Variants in ATP11A observed in about 807,000 individuals in gnomAD.
ATP11A encodes the protein ATPase phospholipid transporting 11A, also known as phospholipid-transporting ATPase IH.
ATP11A carries 81 observed loss-of-function variants against 154.4 expected under a neutral mutation model. The observed-to-expected ratio is 0.52, with a 90% CI of 0.44 to 0.63. ATP11A has a LOEUF of 0.63. ATP11A is among the 30% of genes least tolerant of loss of function. The pLI is 0.00. For missense variants in ATP11A, 1,316 were observed against 1,474.3 expected (o/e 0.89, Z 1.76); for synonymous variants, 623 against 585.9 (o/e 1.06, Z -0.91).
At chr13:112,824,482 A>G (rs1462222319) in intron 10 of ATP11A, 57 bp downstream of exon 10, 2 of 1,517,394 alleles carry the variant, frequency 1.3e-6, no homozygotes, top group African/African-American at 2.7e-5. Context: ...CCCACTGTAG[A>G]AATGGAAGTA....
chr13:112,736,160 C>T (rs1045323705), intron 1 of ATP11A, among the ~76,000 whole-genome samples: 1 of 152,296 alleles, frequency 6.6e-6, no homozygotes, highest in East Asian at 1.9e-4. Context: ...GGTGAGAACT[C>T]GAGCCCTGAT....
intron 1 of ATP11A, among the ~76,000 whole-genome samples, chr13:112,692,798 T>C (rs1306498008): frequency 6.6e-6 from 1 of 152,222 alleles, no homozygotes; most frequent in Non-Finnish European, 1.5e-5. Context: ...TTTGACTTTT[T>C]CCAGAAACAG....
intron 5 of ATP11A, among the ~76,000 whole-genome samples, chr13:112,812,326 G>A (rs1204728954): frequency 6.6e-6 from 1 of 152,134 alleles, no homozygotes; most frequent in Non-Finnish European, 1.5e-5. Flanking sequence ...TGCCCCCACT[G>A]GTCCTCGTGC....
intron 1 of ATP11A, among the ~76,000 whole-genome samples, chr13:112,773,004 G>T (rs1247333603): frequency 6.6e-6 from 1 of 152,174 alleles, no homozygotes. Context: ...AGAACCCTGA[G>T]TGTGTCCACG....
intron 12 of ATP11A, among the ~76,000 whole-genome samples, chr13:112,828,417 G>A (rs1479315140): frequency 6.4e-5 from 8 of 124,284 alleles, no homozygotes; most frequent in East Asian, 5.8e-4. Flanking sequence ...AGCGCCCAGC[G>A]GTGTTGAGTG....
chr13:112,877,838 A>G (rs1256474640), intron 28 of ATP11A, among the ~76,000 whole-genome samples: 1 of 152,094 alleles, frequency 6.6e-6, no homozygotes, highest in African/African-American at 2.4e-5. Flanking sequence ...TCTGCAACTC[A>G]TCTCCAGGAT....
intron 2 of ATP11A, among the ~76,000 whole-genome samples, chr13:112,790,237 C>T (rs1252114068): frequency 6.6e-6 from 1 of 151,434 alleles, no homozygotes; most frequent in African/African-American, 2.4e-5. Flanking sequence ...CCTGTGGAGA[C>T]CTACTTAATT....
chr13:112,835,005 TTTGCCTC>T, intron 15 of ATP11A, among the ~76,000 whole-genome samples: 1 of 152,362 alleles, frequency 6.6e-6, no homozygotes, highest in Admixed American at 6.5e-5. Flanking sequence ...TCCAGGCCCC[TTTGCCTC>T]CACGAGGGGA....
rs2080914117 is a variant in ATP11A, at chr13:112,882,786, G to A, written c.*920G>A. The A allele has an allele frequency of 1.3e-5, 5 of 399,242 alleles. No individual in the cohort carries two copies. The highest frequency in any genetic ancestry group is 1.8e-5 in the Non-Finnish European group (4 of 226,636). The allele number at this position is 399,242 out of a possible 1,614,324, so 24.7% of individuals were successfully genotyped here. ...ACTGTTACGGGAGAATGTTGATTTC[G>A]CGGGTGCGAGGGCCGGGAGACAGAT... On this transcript the variant is annotated 3_prime_UTR_variant, in exon 30 of 30. Transcript: ENST00000375645. The surrounding 1 kb of genome is among the most constrained non-coding windows in gnomAD (Gnocchi z 5.1).
chr13:112,806,392 C>A (rs1252188638), intron 4 of ATP11A, 99 bp downstream of exon 4: 2 of 894,048 alleles, frequency 2.2e-6, no homozygotes, highest in Admixed American at 2.4e-5. Context: ...AGCTAGTTCA[C>A]AGAAAATTCA....
chr13:112,873,371 G>A (rs1051543119), intron 26 of ATP11A: 3 of 539,034 alleles, frequency 5.6e-6, no homozygotes, highest in Non-Finnish European at 6.5e-6. Context: ...CCTGAGCGGT[G>A]TGAGGTGTGG....
chr13:112,823,917 GC>G (rs1168671616), intron 9 of ATP11A, among the ~76,000 whole-genome samples: 1 of 152,188 alleles, frequency 6.6e-6, no homozygotes, highest in Non-Finnish European at 1.5e-5. Flanking sequence ...ACGCATGTCT[GC>G]CCCTGTAGTT....
At chr13:112,818,301 G>A (rs1343509250) in intron 6 of ATP11A, among the ~76,000 whole-genome samples, 4 of 150,752 alleles carry the variant, frequency 2.7e-5, no homozygotes, top group African/African-American at 4.9e-5. Context: ...GGCGATGACC[G>A]TTGGTGCGCT....
At chr13:112,870,794 C>CG (rs2080492382) in intron 25 of ATP11A, among the ~76,000 whole-genome samples, 1 of 152,254 alleles carries the variant, frequency 6.6e-6, no homozygotes, top group Non-Finnish European at 1.5e-5. Context: ...CAGGTTCTCC[C>CG]GAAACAAGTT....
intron 1 of ATP11A, among the ~76,000 whole-genome samples, chr13:112,776,453 A>G (rs282591): frequency 0.51 from 77,484 of 152,076 alleles, 20,922 homozygotes; most frequent in African/African-American, 0.69. Flanking sequence ...GCAGGTGTCT[A>G]TGCTGCGTGA....
At chr13:112,788,333 G>A (rs529173018) in intron 2 of ATP11A, among the ~76,000 whole-genome samples, 21 of 147,718 alleles carry the variant, frequency 1.4e-4, no homozygotes, top group African/African-American at 4.8e-4. Flanking sequence ...GTGTCCTGAC[G>A]TGTAGACCCC....
intron 6 of ATP11A, among the ~76,000 whole-genome samples, chr13:112,818,265 G>A (rs917905787): frequency 1.3e-5 from 2 of 149,232 alleles, no homozygotes; most frequent in Non-Finnish European, 3.0e-5. Flanking sequence ...GTGACGGGGC[G>A]ATGACCGTTG....
At chr13:112,784,677 C>T (rs2077578729) in intron 1 of ATP11A, among the ~76,000 whole-genome samples, 1 of 152,112 alleles carries the variant, frequency 6.6e-6, no homozygotes, top group Admixed American at 6.5e-5. Context: ...CGCCCACCAC[C>T]ACACCCGGCT....
intron 18 of ATP11A, 60 bp downstream of exon 18, chr13:112,851,278 A>C: frequency 6.5e-7 from 1 of 1,533,994 alleles, no homozygotes; most frequent in Non-Finnish European, 8.9e-7. Flanking sequence ...CCGACGGCCC[A>C]GGGCGTGTGA....
Sources: allele counts gnomAD v4.1 joint callset (sites outside exome capture counted in the v4.1 genomes callset), GRCh38; gene constraint gnomAD v4.1.1; non-coding constraint Gnocchi (gnomAD v3.1); transcripts MANE v1.5; gene names NCBI Gene and HGNC (gene_info 2026-07-23, HGNC 2026-07-21).